Variants in PDZD9 observed in about 807,000 individuals in gnomAD.
PDZD9 encodes PDZ domain-containing protein 9.
PDZD9 carries 13 observed loss-of-function variants against 16.3 expected under a neutral mutation model. That is an observed-to-expected ratio of 0.80 (90% CI 0.52 to 1.27). PDZD9 has a LOEUF of 1.27. PDZD9 is among the 50% of genes most tolerant of loss of function. The probability of loss-of-function intolerance (pLI) is 0.00; values close to 1 mark genes in which losing one functional copy is unlikely to be tolerated. For synonymous variants in PDZD9, 120 were observed against 111.0 expected (o/e 1.08, Z -0.51); for missense variants, 288 against 310.9 (o/e 0.93, Z 0.55).
the PDZD9 span, chr16:21,959,756 T>C: frequency 6.6e-6 from 1 of 152,222 alleles, no homozygotes; most frequent in Non-Finnish European, 1.5e-5. Flanking sequence ...TAATAAGACT[T>C]GAAAATAAAA....
chr16:21,982,983 AGAATGTCCTATCC>A, downstream of PDZD9: 2 of 960,074 alleles, frequency 2.1e-6, no homozygotes, highest in Non-Finnish European at 3.0e-6. Flanking sequence ...AAAAAAAAAA[AGAATGTCCTATCC>A]ATAAATTCTT....
the PDZD9 span, among the ~76,000 whole-genome samples, chr16:21,960,226 T>C: frequency 2.0e-5 from 3 of 152,210 alleles, no homozygotes; most frequent in African/African-American, 2.4e-5. Flanking sequence ...GATGATCTTA[T>C]GTAGATCTTC....
intron 3 of PDZD9, among the ~76,000 whole-genome samples, chr16:21,988,199 G>A (rs1380558353): frequency 1.3e-5 from 2 of 151,780 alleles, no homozygotes; most frequent in Admixed American, 1.3e-4. Context: ...TAGTAGAGAC[G>A]GGGTTTCACC....
chr16:21,999,024 A>C (rs1899223059), intron 1 of PDZD9: 1 of 186,686 alleles, frequency 5.4e-6, no homozygotes, highest in African/African-American at 2.4e-5. Flanking sequence ...CCTCTGAAAA[A>C]ACTAGTTGAG....
the PDZD9 span, among the ~76,000 whole-genome samples, chr16:21,967,278 A>C: frequency 0.031 from 4,786 of 152,222 alleles, 260 homozygotes; most frequent in African/African-American, 0.11. Context: ...AAATTGATTA[A>C]AAGTTCAGTT....
chr16:21,968,474 C>G, the PDZD9 span: 1 of 506,420 alleles, frequency 2.0e-6, no homozygotes, highest in Non-Finnish European at 3.3e-6. Context: ...AATAAAATCC[C>G]AGGGTAATTC....
intron 2 of PDZD9, among the ~76,000 whole-genome samples, chr16:21,991,959 C>T (rs1899032592): frequency 6.6e-6 from 1 of 152,144 alleles, no homozygotes; most frequent in Non-Finnish European, 1.5e-5. Flanking sequence ...GTTCAAATCC[C>T]AGCTCTGAAC....
chr16:21,995,198 CT>C lies in PDZD9; in HGVS notation c.211+1123del. 4.4e-6 allele frequency: 2 copies of C among 457,314 alleles called. 1 individual carries two copies. Among genetic ancestry groups the C allele is most frequent in the South Asian group, 3.1e-5 (2 of 64,296 alleles). The allele number at this position is 457,314 out of a possible 1,614,324, so 28.3% of individuals were successfully genotyped here. On this transcript the variant is annotated intron_variant, in intron 2 of 3. Transcript: ENST00000424898. ...GTTTAAACGTGTGTAGCACCTCCCC[CT>C]ACTCTCTCTTCCTCCCGCTCCAACC...
chr16:21,999,961 C>T (rs554742574), intron 1 of PDZD9, among the ~76,000 whole-genome samples: 4 of 152,232 alleles, frequency 2.6e-5, no homozygotes, highest in South Asian at 4.2e-4. Flanking sequence ...CGCTTGAACC[C>T]GCCTGGAAGG....
At chr16:21,957,727 C>T in the PDZD9 span, among the ~76,000 whole-genome samples, 2 of 152,198 alleles carry the variant, frequency 1.3e-5, no homozygotes, top group Non-Finnish European at 2.9e-5. Flanking sequence ...TATCCTGTTA[C>T]AGTTCTAGAG....
At chr16:21,965,505 G>A in the PDZD9 span, 1 of 1,574,534 alleles carries the variant, frequency 6.4e-7, no homozygotes, top group Middle Eastern at 1.7e-4. Context: ...CATCAGAGGA[G>A]GTACCAATAA....
At chr16:21,961,629 TA>T in the PDZD9 span, among the ~76,000 whole-genome samples, 2 of 29,580 alleles carry the variant, frequency 6.8e-5, no homozygotes, top group Non-Finnish European at 4.9e-5. Context: ...ATAAAATTTA[TA>T]TATATATATA....
the PDZD9 span, among the ~76,000 whole-genome samples, chr16:21,975,009 T>C: frequency 4.2e-4 from 64 of 152,176 alleles, no homozygotes; most frequent in Non-Finnish European, 1.0e-4. Flanking sequence ...AGTGTAGATG[T>C]ATCCTTGAAA....
At position 21,984,468 on chromosome 16, in the gene PDZD9, T is replaced by G. The variant is rs1898821837; in HGVS notation, c.594A>C (p.Val198=). Residue 198 remains valine (V), a synonymous_variant, in exon 4 of 4, where the codon GTA becomes GTC. Transcript: ENST00000424898. ...TCACGTCACAATTAATGTCTTTTCC[T>G]ACACTAATAGTATGGTTCTTCTTCT... ...GYKKKNHTIS[V]GKDINCDVMI... 6.2e-7 allele frequency: 1 copy of G among 1,613,638 alleles called. No homozygotes were observed. Among genetic ancestry groups the G allele is most frequent in the Non-Finnish European group, 8.5e-7 (1 of 1,179,530 alleles).
At chr16:21,988,436 G>C (rs1898935690) in intron 3 of PDZD9, among the ~76,000 whole-genome samples, 166 bp downstream of exon 3, 1 of 152,010 alleles carries the variant, frequency 6.6e-6, no homozygotes. Context: ...TCTCATATTA[G>C]ATCCTACAGA....
the PDZD9 span, chr16:21,962,361 A>G: frequency 7.0e-7 from 1 of 1,427,380 alleles, no homozygotes; most frequent in Non-Finnish European, 9.7e-7. Flanking sequence ...TTTATACTTC[A>G]GAAATTTTCT....
chr16:21,996,556 ATACC>A (rs1481241071), intron 1 of PDZD9, 55 bp from the exon 2 acceptor site: 2 of 1,455,958 alleles, frequency 1.4e-6, no homozygotes, highest in Non-Finnish European at 9.2e-7. Context: ...AAGCATGGCC[ATACC>A]TACTGGGGTT....
chr16:21,971,946 G>C, the PDZD9 span: 2 of 1,613,996 alleles, frequency 1.2e-6, no homozygotes, highest in African/African-American at 2.7e-5. Context: ...ACAGAATGGA[G>C]ACAGTCTTGT....
Position 21,996,446 on chromosome 16 carries a change from C to T in PDZD9, c.87G>A (p.Gln29=). 1 of 1,536,110 alleles carries T rather than the reference C, an allele frequency of 6.5e-7. No homozygotes were observed. The highest frequency in any genetic ancestry group is 8.7e-7 in the Non-Finnish European group (1 of 1,146,894). ...KTSVHNLSKT[Q]QTKLTVGSLG... ...GGCTACCCACAGTGAGTTTGGTCTG[C>T]TGTGTTTTGCTCAAGTTGTGTACAG... The change falls in exon 2 of 4, where the codon CAG becomes CAA. Residue 29 remains glutamine, a synonymous_variant. Transcript: ENST00000424898.
Sources: allele counts gnomAD v4.1 joint callset (sites outside exome capture counted in the v4.1 genomes callset), GRCh38; gene constraint gnomAD v4.1.1; transcripts MANE v1.5; gene names NCBI Gene and HGNC (gene_info 2026-07-23, HGNC 2026-07-21).